RIMS1: variants seen among roughly 807,000 people sequenced by gnomAD.
RIMS1 encodes regulating synaptic membrane exocytosis 1.
In RIMS1, 83 loss-of-function variants were observed where a neutral mutation model predicts 214.1. The observed-to-expected ratio is 0.39, with a 90% confidence interval of 0.32 to 0.47. The LOEUF (loss-of-function observed/expected upper bound fraction) is 0.47. Ranked by LOEUF, RIMS1 falls within the 20% of genes least tolerant of loss-of-function variation. The pLI is 0.99. For missense variants in RIMS1, 2,050 were observed against 2,161.8 expected, an observed-to-expected ratio of 0.95 and a Z score of 1.03; for synonymous variants, 793 against 786.8, an observed-to-expected ratio of 1.01 and a Z score of -0.13.
intron 6 of RIMS1, among the ~76,000 whole-genome samples, chr6:72,197,130 A>G (rs1444688054): frequency 6.6e-6 from 1 of 152,054 alleles, no homozygotes; most frequent in African/African-American, 2.4e-5. Context: ...ATACCATCCT[A>G]AAGTTGAGCT....
Position 72,350,192 on chromosome 6 carries a change from A to G in RIMS1, c.4366+16357A>G, listed in dbSNP as rs915564039. 3.3e-5 allele frequency among the ~76,000 whole-genome samples: 5 copies of G among 152,154 alleles called. No individual in the cohort carries two copies. The East Asian group carries it at 7.7e-4, about 23-fold the overall frequency. ...TTAAAAATCTAATTTTTGTACACAG[A>G]AAAAAGGAAGGAAAAAAGACTAAAT... On this transcript the variant is annotated intron_variant, in intron 29 of 33. Transcript: ENST00000521978.
At chr6:72,137,734 CTT>C (rs1220065879) in intron 4 of RIMS1, among the ~76,000 whole-genome samples, 18 of 128,676 alleles carry the variant, frequency 1.4e-4, no homozygotes, top group African/African-American at 4.0e-4. Flanking sequence ...TCTATACAAT[CTT>C]TTTTTTTTTT....
intron 1 of RIMS1, among the ~76,000 whole-genome samples, chr6:71,888,065 C>T (rs985875773): frequency 6.6e-6 from 1 of 152,146 alleles, no homozygotes; most frequent in South Asian, 2.1e-4. Context: ...GTCTGATGCC[C>T]CATTTTCCTG....
At chr6:71,992,398 C>CTT (rs1801862774) in intron 2 of RIMS1, among the ~76,000 whole-genome samples, 2 of 128,882 alleles carry the variant, frequency 1.6e-5, no homozygotes, top group South Asian at 2.6e-4. Context: ...CTTTCTTTCT[C>CTT]TCTCTCTCTT....
intron 18 of RIMS1, 120 bp from the exon 19 acceptor site, chr6:72,260,585 A>C: frequency 7.5e-7 from 1 of 1,335,790 alleles, no homozygotes; most frequent in Non-Finnish European, 1.0e-6. Flanking sequence ...CCTCTCAAGC[A>C]AATATGCTAG....
intron 8 of RIMS1, 122 bp downstream of exon 8, chr6:72,235,850 A>G: frequency 4.6e-6 from 2 of 437,794 alleles, no homozygotes; most frequent in Non-Finnish European, 8.0e-6. Context: ...TTATTGATAT[A>G]GCATATAGAT....
At chr6:72,171,992 T>C (rs1470049201) in intron 4 of RIMS1, among the ~76,000 whole-genome samples, 3 of 151,926 alleles carry the variant, frequency 2.0e-5, no homozygotes, top group Non-Finnish European at 4.4e-5. Context: ...ATAGATGATA[T>C]AAAATGAAAA....
At chr6:71,980,753 G>A (rs1434833157) in intron 2 of RIMS1, among the ~76,000 whole-genome samples, 1 of 151,926 alleles carries the variant, frequency 6.6e-6, no homozygotes, top group Non-Finnish European at 1.5e-5. Context: ...ATAATAGTAA[G>A]AATAATGGCA....
chr6:71,923,918 A>G (rs1780791328), intron 1 of RIMS1, among the ~76,000 whole-genome samples: 2 of 152,090 alleles, frequency 1.3e-5, no homozygotes, highest in South Asian at 4.1e-4. Context: ...ATATATTTTG[A>G]TGCTTTTTCT....
Position 72,399,023 on chromosome 6 carries a change from C to T in RIMS1, c.4789C>T (p.Arg1597Ter), listed in dbSNP as rs753874977. Residue 1597 changes from arginine to a stop codon, truncating the protein, a stop_gained, in exon 33 of 34, where the codon CGA becomes TGA. Coordinates refer to ENST00000521978, the MANE Select transcript of RIMS1 (RefSeq NM_014989.7). LOFTEE classifies it high-confidence loss of function. ...CIAKKKTRIA[R>*]KTLDPLYQQS... The stretch of plus-strand genomic sequence containing the variant: ...AGCCAAGAAGAAGACAAGAATTGCA[C>T]GAAAAACCCTTGATCCTTTGTATCA... The T allele has an allele frequency of 1.2e-6, 2 of 1,610,460 alleles. No individual in the cohort carries two copies. The highest frequency in any genetic ancestry group is 1.7e-6 in the Non-Finnish European group (2 of 1,177,588).
In RIMS1 at chr6:72,251,256, G is replaced by A. The variant is rs773948118; in HGVS notation, c.2586G>A (p.Pro862=). The part of the protein sequence containing the change: ...ELETALLDDE[P]HWYKLQTHDE... ...AGACAGCGCTTTTAGATGATGAACC[G>A]CATTGGTATAAACTTCAGACACATG... The change falls in exon 15 of 34, where the codon CCG becomes CCA. Residue 862 remains proline (P), a synonymous_variant. Coordinates refer to ENST00000521978, the MANE Select transcript of RIMS1 (RefSeq NM_014989.7). 2.5e-6 allele frequency: 4 copies of A among 1,598,024 alleles called. No homozygotes were observed. The highest frequency in any genetic ancestry group is 1.3e-5 in the African/African-American group (1 of 74,658).
intron 1 of RIMS1, among the ~76,000 whole-genome samples, chr6:71,952,649 G>C (rs1789995478): frequency 6.6e-6 from 1 of 152,200 alleles, no homozygotes; most frequent in Non-Finnish European, 1.5e-5. Context: ...GTTTGGATCT[G>C]CAATGGGAGG....
chr6:71,901,722 C>A (rs1175254885), intron 1 of RIMS1, among the ~76,000 whole-genome samples: 1 of 152,000 alleles, frequency 6.6e-6, no homozygotes, highest in African/African-American at 2.4e-5. Flanking sequence ...ATGCATTTGT[C>A]AAAACTGACC....
In RIMS1 at chr6:72,097,014, G is replaced by T. The variant is rs774461810; in HGVS notation, c.311G>T (p.Arg104Leu). 2.5e-6 allele frequency: 4 copies of T among 1,613,806 alleles called. No homozygotes were observed. The highest frequency in any genetic ancestry group is 3.4e-6 in the Non-Finnish European group (4 of 1,179,858). Residue 104 changes from arginine (R) to leucine (L), a missense_variant, in exon 3 of 34, where the codon CGT becomes CTT. Arg to Leu is a moderately radical substitution (Grantham distance 102). Coordinates refer to ENST00000521978, the MANE Select transcript of RIMS1 (RefSeq NM_014989.7). ...QVRKIGEEAR[R>L]YQGEHKDDAP... ...AGAAAAATAGGGGAAGAAGCGCGGC[G>T]TTACCAGGGCGAGCACAAAGACGAT...
chr6:72,392,984 G>A (rs2789597), intron 31 of RIMS1, among the ~76,000 whole-genome samples, 174 bp downstream of exon 31: 30,521 of 151,218 alleles, frequency 0.2, 3,352 homozygotes, highest in South Asian at 0.3. Context: ...AATTTGAGAT[G>A]TTATGAAAAA....
At chr6:72,285,578 CA>C (rs777015526) in intron 24 of RIMS1, among the ~76,000 whole-genome samples, 40 of 152,078 alleles carry the variant, frequency 2.6e-4, no homozygotes, top group Non-Finnish European at 5.4e-4. Flanking sequence ...ACTTGATTCA[CA>C]ATGGAATAAG....
chr6:72,168,910 G>A (rs2046652321), intron 4 of RIMS1, among the ~76,000 whole-genome samples: 1 of 152,026 alleles, frequency 6.6e-6, no homozygotes, highest in Non-Finnish European at 1.5e-5. Flanking sequence ...ACAAGGGTAG[G>A]CTAAGATCAA....
chr6:72,283,195 C>T (rs1355681725), intron 23 of RIMS1, among the ~76,000 whole-genome samples: 2 of 152,036 alleles, frequency 1.3e-5, no homozygotes, highest in African/African-American at 4.8e-5. Context: ...TAGGGTTTCT[C>T]TCTTTTTTTT....
At chr6:71,969,734 G>T (rs943847218) in intron 2 of RIMS1, among the ~76,000 whole-genome samples, 6 of 152,138 alleles carry the variant, frequency 3.9e-5, no homozygotes, top group Non-Finnish European at 4.4e-5. Flanking sequence ...ACCTGAACCT[G>T]TGAGGTGGAG....
Sources: gnomAD v4.1 joint callset for allele counts (sites outside exome capture counted in the v4.1 genomes callset) on GRCh38, gnomAD v4.1.1 for gene constraint, MANE v1.5 for transcripts, NCBI Gene and HGNC (gene_info 2026-07-23, HGNC 2026-07-21) for gene names.